The following RAC1 variants were observed in gnomAD, a reference collection of about 807,000 sequenced individuals.
RAC1 encodes Rac family small GTPase 1, also known as ras-related C3 botulinum toxin substrate 1.
Under a neutral mutation model 25.2 loss-of-function variants are expected in RAC1, and 2 were observed. The ratio of observed to expected loss-of-function variants is 0.08; its 90% confidence interval spans 0.03 to 0.25. The LOEUF (loss-of-function observed/expected upper bound fraction) is 0.25, where lower values mean the gene tolerates loss of function less well. Among genes scored for constraint, RAC1 ranks in the 10% least tolerant of loss-of-function variants. The pLI, the probability that RAC1 is intolerant of heterozygous loss-of-function variation, is 1.00. For synonymous variants in RAC1, 88 were observed against 94.0 expected (o/e 0.94, Z 0.37); for missense variants, 50 against 235.7 (o/e 0.21, Z 5.16).
intron 1 of RAC1, among the ~76,000 whole-genome samples, chr7:6,378,508 T>C (rs1782669019): frequency 1.3e-5 from 2 of 151,810 alleles, no homozygotes; most frequent in Middle Eastern, 3.4e-3. Flanking sequence ...ATTGTGTCAC[T>C]GCACTCCAGC....
chr7:6,401,203 G>A (rs1367501912), intron 4 of RAC1, among the ~76,000 whole-genome samples: 3 of 152,162 alleles, frequency 2.0e-5, no homozygotes, highest in Non-Finnish European at 1.5e-5. Context: ...TGATCCACCC[G>A]CCGCAGACTC....
Position 6,403,647 on chromosome 7 carries a change from C to G in RAC1, c.*1201C>G, listed in dbSNP as rs1783483269. ...TAAACTATGAACCTTCTTAACATCA[C>G]TGTCTTGCCAGATTACCGACACTGT... On this transcript the variant is annotated 3_prime_UTR_variant, in exon 6 of 6. Coordinates refer to ENST00000348035, the MANE Select transcript of RAC1 (RefSeq NM_006908.5). 4.8e-6 allele frequency: 1 copy of G among 209,570 alleles called. No individual in the cohort carries two copies. The highest frequency in any genetic ancestry group is 2.3e-5 in the African/African-American group (1 of 44,012). The allele number at this position is 209,570 out of a possible 1,614,324, so 13.0% of individuals were successfully genotyped here. A position where few individuals can be genotyped will look rare whatever the true frequency, so the allele number is the denominator to read the frequency against.
At chr7:6,391,674 G>A (rs1228908050) in intron 2 of RAC1, 11 of 469,154 alleles carry the variant, frequency 2.3e-5, no homozygotes, top group Non-Finnish European at 3.4e-5. Context: ...TATTTCTGAC[G>A]GTGATTTGTT....
chr7:6,383,614 C>T (rs1376022022), intron 1 of RAC1, among the ~76,000 whole-genome samples: 4 of 152,008 alleles, frequency 2.6e-5, no homozygotes, highest in Non-Finnish European at 5.9e-5. Context: ...ATTTTAGACA[C>T]AGCTGGTTGC....
In RAC1 at chr7:6,399,936, G is replaced by A. The variant is rs529228743; in HGVS notation, c.226-190G>A. On this transcript the variant is annotated intron_variant, in intron 3 of 5. Transcript: ENST00000348035. ...TCCCCATTTTCATAAGTAACTGGTG[G>A]CTTGACATGCTGGGTTTGGTTTGGG... The A allele has an allele frequency of 2.0e-4, 116 of 592,490 alleles. No individual in the cohort carries two copies. The African/African-American group carries it at 2.1e-3, about 11-fold the overall frequency. 36.7% of individuals were successfully genotyped at this position (592,490 alleles called of 1,614,324 possible).
At chr7:6,382,214 C>T (rs767247788) in intron 1 of RAC1, among the ~76,000 whole-genome samples, 4 of 152,212 alleles carry the variant, frequency 2.6e-5, no homozygotes, top group South Asian at 2.1e-4. Context: ...AGTCTGGTCT[C>T]GAACTCCTGG....
intron 3 of RAC1, 66 bp from the exon 4 acceptor site, chr7:6,400,060 A>G: frequency 7.0e-7 from 1 of 1,426,948 alleles, no homozygotes; most frequent in Non-Finnish European, 9.9e-7. Context: ...CAACATGTAG[A>G]AAGCAAAGTG....
chr7:6,398,210 C>G (rs912502879), intron 3 of RAC1, among the ~76,000 whole-genome samples: 2 of 86,680 alleles, frequency 2.3e-5, no homozygotes, highest in South Asian at 3.9e-4. Context: ...TGGGAGAGCC[C>G]TTTGGCAGGC....
intron 4 of RAC1, 77 bp downstream of exon 4, chr7:6,400,265 G>C: frequency 7.3e-7 from 1 of 1,365,222 alleles, no homozygotes; most frequent in Non-Finnish European, 1.0e-6. Flanking sequence ...ATATCACTTA[G>C]CCTAGGAATT....
chr7:6,378,657 A>T (rs192901831), intron 1 of RAC1, among the ~76,000 whole-genome samples: 10 of 152,206 alleles, frequency 6.6e-5, no homozygotes, highest in African/African-American at 1.9e-4. Context: ...CATAGGGTTG[A>T]TACTCTTTTA....
At chr7:6,375,650 G>GT (rs1562459246) in intron 1 of RAC1, among the ~76,000 whole-genome samples, 1 of 151,580 alleles carries the variant, frequency 6.6e-6, no homozygotes, top group African/African-American at 2.4e-5. Context: ...ATGGGGGACT[G>GT]TTTTTTCTTT....
intron 2 of RAC1, 22 bp from the exon 3 acceptor site, chr7:6,391,902 C>T (rs201431880): frequency 1.2e-6 from 2 of 1,613,964 alleles, no homozygotes; most frequent in African/African-American, 1.3e-5. Flanking sequence ...CTGTGACTAA[C>T]CATTTTCATT....
intron 1 of RAC1, among the ~76,000 whole-genome samples, chr7:6,382,243 C>G (rs1583259333): frequency 6.6e-6 from 1 of 152,284 alleles, no homozygotes; most frequent in East Asian, 1.9e-4. Flanking sequence ...GATCCACCCG[C>G]CTTGGCCTCT....
intron 1 of RAC1, among the ~76,000 whole-genome samples, chr7:6,386,477 T>C (rs1782926598): frequency 6.6e-6 from 1 of 152,060 alleles, no homozygotes; most frequent in Admixed American, 6.6e-5. Context: ...GTTTGTATAT[T>C]AGTGTTAATT....
chr7:6,389,126 C>T lies in RAC1; in HGVS notation c.107+1843C>T, dbSNP rs34569168. Among the ~76,000 whole-genome samples the T allele has an allele frequency of 7.2e-4, 109 of 151,534 alleles. 4 individuals carry two copies. The East Asian group carries it at 0.02, about 28-fold the overall frequency. On this transcript the variant is annotated intron_variant, in intron 2 of 5. Coordinates refer to ENST00000348035, the MANE Select transcript of RAC1 (RefSeq NM_006908.5). ...CTGAGGCATGAGAATTGCTTGAACC[C>T]GGGAAGCAGAGGTTGCAGTGAGCCA... is the stretch of plus-strand genomic sequence containing the variant.
intron 3 of RAC1, among the ~76,000 whole-genome samples, chr7:6,392,644 A>C (rs865835968): frequency 2.8e-4 from 42 of 152,266 alleles, no homozygotes; most frequent in African/African-American, 9.2e-4. Flanking sequence ...TTAGAGCAGT[A>C]GCTGGTGAAA....
intron 1 of RAC1, among the ~76,000 whole-genome samples, chr7:6,376,344 G>A (rs1782592819): frequency 6.6e-6 from 1 of 150,770 alleles, no homozygotes; most frequent in African/African-American, 2.4e-5. Context: ...CACCGTGTCC[G>A]GCTAATTTTT....
chr7:6,394,973 G>T (rs1430532692), intron 3 of RAC1, among the ~76,000 whole-genome samples: 1 of 152,154 alleles, frequency 6.6e-6, no homozygotes, highest in Non-Finnish European at 1.5e-5. Context: ...TCCTGCCTCA[G>T]CCTCCCAAGT....
intron 1 of RAC1, among the ~76,000 whole-genome samples, chr7:6,379,368 G>C (rs1448407840): frequency 6.7e-6 from 1 of 149,550 alleles, no homozygotes; most frequent in East Asian, 2.0e-4. Flanking sequence ...TCCTCCTCCT[G>C]GGTTCAAGCG....
Sources: gnomAD v4.1 joint callset for allele counts (sites outside exome capture counted in the v4.1 genomes callset) on GRCh38, gnomAD v4.1.1 for gene constraint, MANE v1.5 for transcripts, NCBI Gene and HGNC (gene_info 2026-07-23, HGNC 2026-07-21) for gene names.